The following CELF2 variants were observed in gnomAD, a reference collection of about 807,000 sequenced individuals.
CELF2 encodes the protein CUGBP Elav-like family member 2.
CELF2 carries 8 observed loss-of-function variants against 62.6 expected under a neutral mutation model. That is an observed-to-expected ratio of 0.13 (90% CI 0.07 to 0.23). The LOEUF is 0.23. Among genes scored for constraint, CELF2 ranks in the 10% least tolerant of loss-of-function variants. The pLI is 1.00. For missense variants in CELF2, 333 were observed against 671.0 expected, an observed-to-expected ratio of 0.50 and a Z score of 5.56; for synonymous variants, 258 against 250.0, an observed-to-expected ratio of 1.03 and a Z score of -0.30.
At chr10:10,780,259 C>T in the CELF2 span, among the ~76,000 whole-genome samples, 6 of 152,006 alleles carry the variant, frequency 3.9e-5, no homozygotes, top group African/African-American at 1.5e-4. Flanking sequence ...ATAGAGCTTC[C>T]CAATCTCCCC....
the CELF2 span, among the ~76,000 whole-genome samples, chr10:10,736,396 C>CTTTCTTTCTTTCTTTT: frequency 1.2e-4 from 9 of 75,988 alleles, no homozygotes; most frequent in African/African-American, 4.0e-4. Flanking sequence ...TTCTTTCTTT[C>CTTTCTTTCTTTCTTTT]TTTTTTTTTT....
chr10:10,814,663 G>A (rs966470289), intron 1 of CELF2, among the ~76,000 whole-genome samples: 4 of 152,180 alleles, frequency 2.6e-5, no homozygotes, highest in Non-Finnish European at 5.9e-5. Context: ...TGGGCCAAAT[G>A]AGGTAACATG....
the CELF2 span, among the ~76,000 whole-genome samples, chr10:10,783,189 C>A: frequency 9.2e-5 from 14 of 152,126 alleles, no homozygotes; most frequent in Non-Finnish European, 1.8e-4. Flanking sequence ...ATATTGAAGT[C>A]CTAATTCACA....
chr10:10,737,036 T>C, the CELF2 span, among the ~76,000 whole-genome samples: 2 of 152,054 alleles, frequency 1.3e-5, no homozygotes, highest in Admixed American at 1.3e-4. Flanking sequence ...GCAGACCCTA[T>C]GACGGATGAG....
At chr10:10,517,185 C>T in the CELF2 span, among the ~76,000 whole-genome samples, 2 of 152,128 alleles carry the variant, frequency 1.3e-5, no homozygotes, top group African/African-American at 2.4e-5. Context: ...CATAGACAGG[C>T]ATGATTAGGG....
chr10:11,069,157 GT>G (rs2068999718), intron 1 of CELF2, among the ~76,000 whole-genome samples: 1 of 152,072 alleles, frequency 6.6e-6, no homozygotes, highest in African/African-American at 2.4e-5. Flanking sequence ...ATGACCCACA[GT>G]TTTTTGTATC....
At position 11,319,682 on chromosome 10, in the gene CELF2, C is replaced by CA. The variant is rs1346276986; in HGVS notation, c.1097-1506dup. The CA allele has an allele frequency of 2.3e-6, 1 of 431,448 alleles. No homozygotes were observed. 26.7% of individuals were successfully genotyped at this position (431,448 alleles called of 1,614,324 possible). On this transcript the variant is annotated intron_variant, in intron 10 of 12. Coordinates refer to ENST00000633077, the MANE Select transcript of CELF2 (RefSeq NM_001326342.2). This position sits in a 1 kb window ranked among gnomAD's most constrained non-coding sequence, Gnocchi z 4.4. ...TGCCACTCCATTCTCACGCCATTCA[C>CA]ACTCGTCTCGCCACCCCTGCTTGGT...
the CELF2 span, among the ~76,000 whole-genome samples, chr10:10,659,886 G>A: frequency 6.6e-6 from 1 of 152,174 alleles, no homozygotes; most frequent in Non-Finnish European, 1.5e-5. Flanking sequence ...GATTTTCTGG[G>A]ATTATCCAGA....
intron 1 of CELF2, among the ~76,000 whole-genome samples, chr10:11,024,753 A>G (rs2058866927): frequency 1.3e-5 from 2 of 152,184 alleles, no homozygotes; most frequent in Admixed American, 1.3e-4. Context: ...GACATTTACA[A>G]GCTCCAATAG....
chr10:11,177,067 T>C lies in CELF2; in HGVS notation c.271+11385T>C, dbSNP rs2071465252. 6.6e-6 allele frequency among the ~76,000 whole-genome samples: 1 copy of C among 152,134 alleles called. No homozygotes were observed. The stretch of plus-strand genomic sequence containing the variant: ...ACTGGTTGCAGAAGCCTATATAGGG[T>C]GGCTCATTTGGACGAAGTATTGTTA... On this transcript the variant is annotated intron_variant, in intron 2 of 12. Coordinates refer to ENST00000633077, the MANE Select transcript of CELF2 (RefSeq NM_001326342.2). This position sits in a 1 kb window ranked among gnomAD's most constrained non-coding sequence, Gnocchi z 4.8.
In CELF2 at chr10:11,285,879, T is replaced by TGTGTGTGTG. The variant is rs1385996500; in HGVS notation, c.842-2539_842-2538insGTGTGTGTG. Among the ~76,000 whole-genome samples, 374 of 108,046 alleles carry TGTGTGTGTG rather than the reference T, an allele frequency of 3.5e-3. 8 individuals are homozygous for TGTGTGTGTG. Among genetic ancestry groups the TGTGTGTGTG allele is most frequent in the East Asian group, 9.6e-3 (38 of 3,972 alleles). 70.9% of individuals were successfully genotyped at this position (108,046 alleles called of 152,430 possible). A position where few individuals can be genotyped will look rare whatever the true frequency, so the allele number is the denominator to read the frequency against. The stretch of plus-strand genomic sequence containing the variant: ...TGTGTGTGTGTGTGTGTGTGTGTGT[T>TGTGTGTGTG]TTTACATGGACTTGAAAATGAGTAA... On this transcript the variant is annotated intron_variant, in intron 8 of 12. Transcript: ENST00000633077. The surrounding 1 kb of genome is among the most constrained non-coding windows in gnomAD (Gnocchi z 4.3).
the CELF2 span, among the ~76,000 whole-genome samples, chr10:10,646,409 G>A: frequency 6.6e-6 from 1 of 152,150 alleles, no homozygotes; most frequent in Non-Finnish European, 1.5e-5. Context: ...TTAAACATTG[G>A]TTCATCATTT....
At chr10:11,044,128 C>G (rs1045748839) in intron 1 of CELF2, among the ~76,000 whole-genome samples, 4 of 152,082 alleles carry the variant, frequency 2.6e-5, no homozygotes, top group Non-Finnish European at 4.4e-5. Context: ...ACTATCATCT[C>G]AAAAAAACAG....
chr10:10,640,747 C>CA, the CELF2 span, among the ~76,000 whole-genome samples: 27 of 151,830 alleles, frequency 1.8e-4, no homozygotes, highest in Non-Finnish European at 3.8e-4. Flanking sequence ...ATACTATTTT[C>CA]AAAAAAAGAA....
chr10:10,813,556 C>T (rs573351287), intron 1 of CELF2, among the ~76,000 whole-genome samples: 2 of 152,286 alleles, frequency 1.3e-5, no homozygotes, highest in East Asian at 1.9e-4. Context: ...TCTGAGACTT[C>T]GCATGTGTCC....
chr10:10,840,920 T>A (rs1014742752), intron 1 of CELF2, among the ~76,000 whole-genome samples: 1 of 152,032 alleles, frequency 6.6e-6, no homozygotes, highest in African/African-American at 2.4e-5. Context: ...CAACCCCCAC[T>A]TATGAGTGGG....
At chr10:10,517,850 G>A in the CELF2 span, among the ~76,000 whole-genome samples, 2 of 152,208 alleles carry the variant, frequency 1.3e-5, no homozygotes, top group Admixed American at 6.5e-5. Flanking sequence ...TAGCGATCCT[G>A]CTGAGGAATT....
At chr10:10,801,997 G>A (rs1041342514) in intron 1 of CELF2, among the ~76,000 whole-genome samples, 1 of 151,876 alleles carries the variant, frequency 6.6e-6, no homozygotes, top group Non-Finnish European at 1.5e-5. Flanking sequence ...CTACCCCAAG[G>A]GACATAAAAG....
Position 11,011,366 on chromosome 10 carries a change from CAG to C in CELF2, c.53+5927_53+5928del, listed in dbSNP as rs1167749914. Among the ~76,000 whole-genome samples the C allele has an allele frequency of 6.6e-6, 1 of 150,530 alleles. No individual in the cohort carries two copies. The highest frequency in any genetic ancestry group is 2.5e-5 in the African/African-American group (1 of 40,798). Reference sequence around the variant, plus strand: ...GGGGTCAAGTGGCGAGATGCAGAGACAGGGGAGTTGAGCTGGGCCCTGAAGGA... The same window carrying C: ...GGGGTCAAGTGGCGAGATGCAGAGACGGGAGTTGAGCTGGGCCCTGAAGGA... On this transcript the variant is annotated intron_variant, in intron 1 of 12. Transcript: ENST00000416382. The surrounding 1 kb of genome is among the most constrained non-coding windows in gnomAD (Gnocchi z 4.6).
Sources: allele counts gnomAD v4.1 joint callset (sites outside exome capture counted in the v4.1 genomes callset), GRCh38; gene constraint gnomAD v4.1.1; non-coding constraint Gnocchi (gnomAD v3.1); transcripts MANE v1.5; gene names NCBI Gene and HGNC (gene_info 2026-07-23, HGNC 2026-07-21).